The following NRXN3 variants were observed in gnomAD, a reference collection of about 807,000 sequenced individuals.
NRXN3 encodes neurexin 3.
A neutral mutation model predicts 137.6 loss-of-function variants in NRXN3; 32 were observed. That is an observed-to-expected ratio of 0.23 (90% CI 0.18 to 0.31). NRXN3 has a LOEUF of 0.31. NRXN3 is among the 10% of genes least tolerant of loss of function. The pLI, the probability that NRXN3 is intolerant of heterozygous loss-of-function variation, is 1.00. For synonymous variants in NRXN3, 798 were observed against 784.5 expected, an observed-to-expected ratio of 1.02 and a Z score of -0.29; for missense variants, 1,574 against 2,062.5, an observed-to-expected ratio of 0.76 and a Z score of 4.59.
At chr14:78,359,367 G>C (rs2084785593) in intron 4 of NRXN3, among the ~76,000 whole-genome samples, 1 of 152,184 alleles carries the variant, frequency 6.6e-6, no homozygotes, top group Non-Finnish European at 1.5e-5. Context: ...GGCAGGGCAG[G>C]CTTTGTGGAT....
At chr14:79,092,370 A>T (rs190187471) in intron 15 of NRXN3, among the ~76,000 whole-genome samples, 50 of 152,350 alleles carry the variant, frequency 3.3e-4, no homozygotes, top group African/African-American at 1.2e-3. Context: ...AAAAACATAG[A>T]AGTCCTTTCT....
chr14:78,352,065 G>C (rs1211591479), intron 4 of NRXN3, among the ~76,000 whole-genome samples: 3 of 142,928 alleles, frequency 2.1e-5, no homozygotes, highest in Non-Finnish European at 4.5e-5. Context: ...TCCAGCCTGG[G>C]CAACAGAGTC....
At position 79,445,649 on chromosome 14, in the gene NRXN3, G is replaced by A. The variant is rs565584256; in HGVS notation, c.3263-21572G>A. Among the ~76,000 whole-genome samples, 4 of 152,298 alleles carry A rather than the reference G, an allele frequency of 2.6e-5. No individual in the cohort carries two copies. In the East Asian group the frequency reaches 7.7e-4, roughly 29 times the overall value. On this transcript the variant is annotated intron_variant, in intron 15 of 20. Transcript: ENST00000335750. Reference sequence around the variant, plus strand: ...GGCTTGAGGCTCATTGATAAGAAGAGGCCAGCCATGCAAACATCTGGGGGA... The same window carrying A: ...GGCTTGAGGCTCATTGATAAGAAGAAGCCAGCCATGCAAACATCTGGGGGA...
At chr14:78,495,313 A>G (rs1474578403) in intron 4 of NRXN3, among the ~76,000 whole-genome samples, 3 of 152,058 alleles carry the variant, frequency 2.0e-5, no homozygotes, top group Non-Finnish European at 4.4e-5. Context: ...AATCATGGCC[A>G]ATTTTACCTA....
At chr14:79,814,590 T>A (rs908060695) in intron 20 of NRXN3, among the ~76,000 whole-genome samples, 2 of 152,176 alleles carry the variant, frequency 1.3e-5, no homozygotes, top group Admixed American at 6.5e-5. Context: ...AAGAAACCCT[T>A]GTTGATTATT....
At chr14:79,351,921 C>T (rs1356012064) in intron 15 of NRXN3, among the ~76,000 whole-genome samples, 3 of 152,152 alleles carry the variant, frequency 2.0e-5, no homozygotes, top group Admixed American at 1.3e-4. Context: ...CTTTCACCCC[C>T]CTCCAAGCTA....
At chr14:78,246,178 A>G (rs1203046731) in intron 2 of NRXN3, among the ~76,000 whole-genome samples, 1 of 152,120 alleles carries the variant, frequency 6.6e-6, no homozygotes, top group Non-Finnish European at 1.5e-5. Context: ...AAAAGAACTC[A>G]TTTCCTTGGG....
intron 15 of NRXN3, among the ~76,000 whole-genome samples, chr14:79,385,605 A>T (rs2094591412): frequency 1.3e-5 from 2 of 152,066 alleles, no homozygotes. Flanking sequence ...TGTTAGAGTC[A>T]TGGGCTGAGC....
chr14:78,432,869 C>G (rs2093939422), intron 4 of NRXN3, among the ~76,000 whole-genome samples: 1 of 152,228 alleles, frequency 6.6e-6, no homozygotes, highest in African/African-American at 2.4e-5. Context: ...AGAACACAGA[C>G]TTCACGTGAT....
intron 16 of NRXN3, among the ~76,000 whole-genome samples, chr14:79,590,979 T>C (rs1002022097): frequency 1.3e-5 from 2 of 152,162 alleles, no homozygotes; most frequent in African/African-American, 2.4e-5. Flanking sequence ...AACCCCCTTC[T>C]TTTTCTCTCA....
At chr14:78,705,085 G>A (rs2098332313) in intron 6 of NRXN3, among the ~76,000 whole-genome samples, 1 of 152,180 alleles carries the variant, frequency 6.6e-6, no homozygotes, top group Non-Finnish European at 1.5e-5. Context: ...GCTTGTCACT[G>A]TTTGTGACTC....
At chr14:78,737,807 G>A (rs1408822963) in intron 8 of NRXN3, among the ~76,000 whole-genome samples, 1 of 152,100 alleles carries the variant, frequency 6.6e-6, no homozygotes, top group Non-Finnish European at 1.5e-5. Flanking sequence ...GGGCTGGTAG[G>A]CAGTCTGCAG....
chr14:79,316,736 C>CTT (rs2088824481), intron 15 of NRXN3, among the ~76,000 whole-genome samples: 1 of 150,466 alleles, frequency 6.6e-6, no homozygotes, highest in African/African-American at 2.5e-5. Flanking sequence ...GTCCCTCTCT[C>CTT]TCTCTCTCTC....
At chr14:78,396,447 A>G (rs2091464639) in intron 4 of NRXN3, among the ~76,000 whole-genome samples, 2 of 152,104 alleles carry the variant, frequency 1.3e-5, no homozygotes, top group African/African-American at 4.8e-5. Flanking sequence ...TGATGTTTTG[A>G]TTTCTCTTTT....
intron 16 of NRXN3, among the ~76,000 whole-genome samples, chr14:79,491,568 T>G (rs556554181): frequency 6.6e-6 from 1 of 151,988 alleles, no homozygotes; most frequent in South Asian, 2.1e-4. Flanking sequence ...GAGGCACTAA[T>G]GTACCCTGTA....
At chr14:78,928,555 G>T (rs1567730291) in intron 10 of NRXN3, among the ~76,000 whole-genome samples, 5 of 152,116 alleles carry the variant, frequency 3.3e-5, no homozygotes, top group Non-Finnish European at 2.9e-5. Flanking sequence ...GCGGTGTTTG[G>T]TTTTTTGTCC....
chr14:79,376,659 A>C (rs577730089), intron 15 of NRXN3, among the ~76,000 whole-genome samples: 38 of 152,282 alleles, frequency 2.5e-4, no homozygotes, highest in Admixed American at 2.6e-4. Context: ...CAAAACTATA[A>C]AGCTAAAATT....
intron 15 of NRXN3, among the ~76,000 whole-genome samples, chr14:79,282,836 T>G (rs2081505003): frequency 6.6e-6 from 1 of 152,162 alleles, no homozygotes; most frequent in African/African-American, 2.4e-5. Flanking sequence ...CCCAACTCAT[T>G]GATTTGGGGC....
At chr14:78,181,911 A>G (rs568358512) in intron 1 of NRXN3, among the ~76,000 whole-genome samples, 1 of 152,140 alleles carries the variant, frequency 6.6e-6, no homozygotes. Flanking sequence ...CACCTATTAT[A>G]TGCAGGCACT....
Sources: allele counts gnomAD v4.1 joint callset (sites outside exome capture counted in the v4.1 genomes callset), GRCh38; gene constraint gnomAD v4.1.1; transcripts MANE v1.5; gene names NCBI Gene and HGNC (gene_info 2026-07-23, HGNC 2026-07-21).